The following CATSPERE variants were observed in gnomAD, a reference collection of about 807,000 sequenced individuals.
CATSPERE encodes the protein cation channel sperm-associated auxiliary subunit epsilon.
A neutral mutation model predicts 114.1 loss-of-function variants in CATSPERE; 93 were observed. The observed-to-expected ratio is 0.81, with a 90% CI of 0.69 to 0.97. CATSPERE has a LOEUF of 0.97. CATSPERE is among the 50% of genes least tolerant of loss of function. The probability of loss-of-function intolerance (pLI) is 0.00; values close to 1 mark genes in which losing one functional copy is unlikely to be tolerated. For synonymous variants in CATSPERE, 341 were observed against 384.1 expected, an observed-to-expected ratio of 0.89 and a Z score of 1.31; for missense variants, 1,058 against 1,131.6, an observed-to-expected ratio of 0.93 and a Z score of 0.93.
chr1:244,505,838 C>G (rs1200272318), intron 7 of CATSPERE, among the ~76,000 whole-genome samples: 1 of 151,990 alleles, frequency 6.6e-6, no homozygotes, highest in Admixed American at 6.6e-5. Flanking sequence ...AAGCCCATCT[C>G]TACTAAAAAT....
At chr1:244,498,904 A>C in intron 6 of CATSPERE, 98 bp from the exon 7 acceptor site, 2 of 897,656 alleles carry the variant, frequency 2.2e-6, no homozygotes, top group Non-Finnish European at 3.4e-6. Context: ...TCTCAAAAAA[A>C]TAAAAAAATA....
chr1:244,599,521 C>T (rs1558569154), intron 17 of CATSPERE, among the ~76,000 whole-genome samples: 1 of 152,140 alleles, frequency 6.6e-6, no homozygotes, highest in Non-Finnish European at 1.5e-5. Context: ...ACCACTGACC[C>T]GGATTATTAC....
intron 2 of CATSPERE, among the ~76,000 whole-genome samples, chr1:244,475,284 A>T (rs1234678407): frequency 2.7e-5 from 4 of 150,208 alleles, no homozygotes; most frequent in African/African-American, 9.8e-5. Context: ...CCCAGGCTGG[A>T]GTGCAGTGGT....
At chr1:244,598,668 C>CT in intron 17 of CATSPERE, 1 of 259,830 alleles carries the variant, frequency 3.8e-6, no homozygotes, top group Non-Finnish European at 8.2e-6. Context: ...AACACTTTTG[C>CT]TTTTTTCAAC....
chr1:244,473,902 A>T (rs1668859652), intron 2 of CATSPERE, among the ~76,000 whole-genome samples: 1 of 152,124 alleles, frequency 6.6e-6, no homozygotes, highest in South Asian at 2.1e-4. Flanking sequence ...CTTTAAAAAA[A>T]TTATCTTTCT....
intron 17 of CATSPERE, among the ~76,000 whole-genome samples, chr1:244,599,304 A>G (rs888546573): frequency 5.9e-5 from 9 of 152,086 alleles, no homozygotes; most frequent in Non-Finnish European, 1.0e-4. Flanking sequence ...CCTGTCCAAA[A>G]CTGAACTCCT....
chr1:244,548,986 G>T (rs1660186474), intron 8 of CATSPERE, among the ~76,000 whole-genome samples: 1 of 152,122 alleles, frequency 6.6e-6, no homozygotes, highest in Non-Finnish European at 1.5e-5. Flanking sequence ...GCTCCTCATG[G>T]CTCTGAGTCA....
chr1:244,488,786 C>T (rs1671482738), intron 5 of CATSPERE, among the ~76,000 whole-genome samples: 1 of 152,118 alleles, frequency 6.6e-6, no homozygotes, highest in Non-Finnish European at 1.5e-5. Context: ...TTTAATCAAC[C>T]TTGGACTGTG....
rs1390426439 is a variant in CATSPERE, at chr1:244,621,183, A to ATATAAATATATCTATATATAT, written c.2648+3501_2648+3502insAATATATCTATATATATTATA. ...ATATATATTATATATAGATATATTT[A>ATATAAATATATCTATATATAT]TATAGATATATTTATATAGATATAT... On this transcript the variant is annotated intron_variant, in intron 20 of 21. Transcript: ENST00000366534. 6.7e-4 allele frequency among the ~76,000 whole-genome samples: 24 copies of ATATAAATATATCTATATATAT among 35,824 alleles called. 6 individuals are homozygous for ATATAAATATATCTATATATAT. Among genetic ancestry groups the ATATAAATATATCTATATATAT allele is most frequent in the African/African-American group, 2.9e-3 (22 of 7,524 alleles). 23.5% of individuals were successfully genotyped at this position (35,824 alleles called of 152,430 possible).
chr1:244,581,836 C>CT lies in CATSPERE; in HGVS notation c.1992dup (p.Asp665Ter). 3 of 1,321,856 alleles carry CT rather than the reference C, an allele frequency of 2.3e-6. No homozygotes were observed. The highest frequency in any genetic ancestry group is 3.2e-6 in the Non-Finnish European group (3 of 942,212). 81.9% of individuals were successfully genotyped at this position (1,321,856 alleles called of 1,614,324 possible). ...CAGAATGTAGATTATGAGAGAATAT[C>CT]TGATTACTTTGAGACACAGTAAGTA... is the stretch of plus-strand genomic sequence containing the variant. On this transcript the variant is annotated frameshift_variant, in exon 12 of 22. Transcript: ENST00000366534. LOFTEE classifies it high-confidence loss of function.
At position 244,611,526 on chromosome 1, in the gene CATSPERE, C is replaced by G. The variant is rs74362758; in HGVS notation, c.2490+1200C>G. Among the ~76,000 whole-genome samples, 809 of 152,046 alleles carry G rather than the reference C, an allele frequency of 5.3e-3. 4 individuals are homozygous for G. The highest frequency in any genetic ancestry group is 6.4e-3 in the Non-Finnish European group (437 of 67,996). On this transcript the variant is annotated intron_variant, in intron 19 of 21. Coordinates refer to ENST00000366534, the MANE Select transcript of CATSPERE (RefSeq NM_001130957.2). ...GGGAGGATCACTTGAGCCCCGACAG[C>G]TGAGGTTGCAGTGAGCCATGATCAT... is the stretch of plus-strand genomic sequence containing the variant.
chr1:244,640,006 T>G lies in CATSPERE; in HGVS notation c.2781T>G (p.Phe927Leu). The G allele has an allele frequency of 6.4e-7, 1 of 1,551,278 alleles. No homozygotes were observed. Among genetic ancestry groups the G allele is most frequent in the Non-Finnish European group, 8.7e-7 (1 of 1,146,712 alleles). ...TCACTATTCTTGTTTTGAGCTACTT[T>G]CGGTACATGAGGATTTATAGACGAT... ...LFFTILVLSYFRYMRIYRRYI... is the reference protein window; with the variant it reads ...LFFTILVLSYLRYMRIYRRYI... Residue 927 changes from phenylalanine (F) to leucine (L), a missense_variant, in exon 22 of 22, where the codon TTT becomes TTG. By Grantham distance (22) the Phe-to-Leu change is conservative. Transcript: ENST00000366534.
At chr1:244,620,347 T>C (rs1000601889) in intron 20 of CATSPERE, among the ~76,000 whole-genome samples, 8 of 152,214 alleles carry the variant, frequency 5.3e-5, no homozygotes, top group Non-Finnish European at 8.8e-5. Context: ...GATGTTCACA[T>C]GTGAAAGGCT....
intron 8 of CATSPERE, among the ~76,000 whole-genome samples, chr1:244,543,952 C>G (rs1659311118): frequency 6.6e-6 from 1 of 151,940 alleles, no homozygotes; most frequent in African/African-American, 2.4e-5. Context: ...TGAAGGACCA[C>G]CAGAAAATTA....
At chr1:244,610,643 C>T (rs1670590755) in intron 19 of CATSPERE, 2 of 326,686 alleles carry the variant, frequency 6.1e-6, no homozygotes, top group Non-Finnish European at 1.2e-5. Context: ...TTACATTAAC[C>T]TCAGGTCTTT....
intron 8 of CATSPERE, among the ~76,000 whole-genome samples, chr1:244,532,263 A>G (rs2148423360): frequency 6.6e-6 from 1 of 151,772 alleles, no homozygotes; most frequent in Non-Finnish European, 1.5e-5. Flanking sequence ...CAAATTTTTC[A>G]TTTCATTGAT....
intron 6 of CATSPERE, among the ~76,000 whole-genome samples, chr1:244,492,252 A>G (rs1158609519): frequency 1.4e-4 from 22 of 152,248 alleles, no homozygotes; most frequent in African/African-American, 3.6e-4. Flanking sequence ...CACCATGATC[A>G]AGTGGGCTTC....
intron 17 of CATSPERE, among the ~76,000 whole-genome samples, chr1:244,596,991 GTC>G (rs1015262331): frequency 3.3e-5 from 5 of 152,036 alleles, no homozygotes; most frequent in African/African-American, 1.2e-4. Flanking sequence ...TAGATGAACT[GTC>G]TGTGTATCTG....
chr1:244,536,732 C>T (rs1459985512), intron 8 of CATSPERE, among the ~76,000 whole-genome samples: 1 of 152,128 alleles, frequency 6.6e-6, no homozygotes, highest in East Asian at 1.9e-4. Flanking sequence ...TGTGATTACT[C>T]ACTTGATTTT....
Sources: gnomAD v4.1 joint callset for allele counts (sites outside exome capture counted in the v4.1 genomes callset) on GRCh38, gnomAD v4.1.1 for gene constraint, MANE v1.5 for transcripts, NCBI Gene and HGNC (gene_info 2026-07-23, HGNC 2026-07-21) for gene names.